The following TAF1 variants were observed in gnomAD, a reference collection of about 807,000 sequenced individuals.
TAF1 encodes TATA-box binding protein associated factor 1, also known as transcription initiation factor TFIID subunit 1.
Under a neutral mutation model 138.5 loss-of-function variants are expected in TAF1, and 2 were observed. The observed-to-expected ratio is 0.01, with a 90% confidence interval of 0.01 to 0.05. TAF1 has a LOEUF of 0.05. TAF1 is among the 10% of genes least tolerant of loss of function. The pLI is 1.00. For synonymous variants in TAF1, 437 were observed against 503.2 expected (o/e 0.87, Z 1.76); for missense variants, 709 against 1,478.0 (o/e 0.48, Z 8.53).
At chrX:71,499,126 A>G (rs973824472) in intron 13 of TAF1, among the ~76,000 whole-genome samples, 1 of 111,011 alleles carries the variant, frequency 9.0e-6, no homozygotes, top group Non-Finnish European at 1.9e-5. Flanking sequence ...CATAGTGGAC[A>G]TGGGCGAGGG....
chrX:71,478,204 A>G (rs899092559), intron 13 of TAF1, among the ~76,000 whole-genome samples: 4 of 110,321 alleles, frequency 3.6e-5, no homozygotes, highest in South Asian at 3.9e-4. Context: ...ATACAAAAAA[A>G]TTAGCTGGGC....
chrX:71,379,105 A>ATTTT lies in TAF1; in HGVS notation c.1360+94_1360+97dup, dbSNP rs916740866. ...GTCACCATAAGTGGGCTCAGCTGTG[A>ATTTT]TTTTTTTTTTTTTTTTTTTTTTTCG... On this transcript the variant is annotated intron_variant, in intron 8 of 37. Transcript: ENST00000423759. 61 of 485,827 alleles carry ATTTT rather than the reference A, an allele frequency of 1.3e-4. 2 individuals carry two copies. The highest frequency in any genetic ancestry group is 3.7e-4 in the Admixed American group (6 of 16,205). 40.0% of individuals were successfully genotyped at this position (485,827 alleles called of 1,213,427 possible). A position where few individuals can be genotyped will look rare whatever the true frequency, so the allele number is the denominator to read the frequency against.
intron 13 of TAF1, among the ~76,000 whole-genome samples, chrX:71,523,512 T>A (rs2147638539): frequency 8.9e-6 from 1 of 112,314 alleles, no homozygotes. Flanking sequence ...TTTAACAATT[T>A]CAAATTGTAT....
intron 32 of TAF1, among the ~76,000 whole-genome samples, chrX:71,426,534 G>C (rs1224676727): frequency 9.0e-6 from 1 of 111,056 alleles, no homozygotes; most frequent in African/African-American, 3.3e-5. Context: ...TGACCAACAT[G>C]GAGAAACCCC....
intron 32 of TAF1, among the ~76,000 whole-genome samples, chrX:71,432,556 CATCAA>C (rs1001819687): frequency 2.8e-5 from 3 of 105,957 alleles, no homozygotes; most frequent in Admixed American, 2.0e-4. Context: ...TGTCAGTGCT[CATCAA>C]ATCAAGTTAG....
At chrX:71,406,560 T>C in intron 25 of TAF1, 78 bp from the exon 26 acceptor site, 1 of 1,035,659 alleles carries the variant, frequency 9.7e-7, no homozygotes, top group Non-Finnish European at 1.3e-6. Flanking sequence ...CTTGGACTTT[T>C]TTTTAATTAT....
chrX:71,519,675 TAAAA>T (rs1322192090), intron 13 of TAF1, among the ~76,000 whole-genome samples: 46 of 111,676 alleles, frequency 4.1e-4, no homozygotes, highest in Admixed American at 4.0e-3. Context: ...TAAAAACAAA[TAAAA>T]AGGATGTTTA....
chrX:71,374,498 G>T (rs778483425), intron 3 of TAF1, among the ~76,000 whole-genome samples: 1 of 111,825 alleles, frequency 8.9e-6, no homozygotes, highest in South Asian at 3.7e-4. Flanking sequence ...GCATGGTCTT[G>T]CTCTGTCACA....
intron 37 of TAF1, among the ~76,000 whole-genome samples, chrX:71,461,373 CG>C (rs1447304062): frequency 9.0e-6 from 1 of 110,795 alleles, no homozygotes; most frequent in Non-Finnish European, 1.9e-5. Context: ...CCTTAACCTG[CG>C]GGTAATAGGA....
intron 25 of TAF1, among the ~76,000 whole-genome samples, chrX:71,405,232 T>A (rs2035403182): frequency 8.9e-6 from 1 of 111,828 alleles, no homozygotes; most frequent in Non-Finnish European, 1.9e-5. Context: ...GTGCTGGGAT[T>A]ACAGGCGTGA....
chrX:71,379,215 A>C (rs1172095747), intron 8 of TAF1, among the ~76,000 whole-genome samples, 184 bp downstream of exon 8: 1 of 104,635 alleles, frequency 9.6e-6, no homozygotes, highest in South Asian at 4.3e-4. Flanking sequence ...TCCCCAGTTC[A>C]AGCGGTTCTT....
At chrX:71,381,612 A>G in intron 8 of TAF1, 131 bp from the exon 9 acceptor site, 1 of 697,662 alleles carries the variant, frequency 1.4e-6, no homozygotes, top group Non-Finnish European at 2.1e-6. Context: ...GTTCCTTTTC[A>G]GTGGACACAT....
intron 13 of TAF1, among the ~76,000 whole-genome samples, chrX:71,518,680 T>G (rs1384528361): frequency 4.7e-5 from 5 of 106,942 alleles, no homozygotes; most frequent in African/African-American, 1.7e-4. Context: ...ACAAAATTCT[T>G]TTCTTTTCTT....
intron 13 of TAF1, among the ~76,000 whole-genome samples, chrX:71,488,269 A>T (rs1470394564): frequency 4.8e-5 from 3 of 62,675 alleles, no homozygotes. Context: ...TTTGAGACGG[A>T]GTCTCAGTCT....
chrX:71,382,853 A>G lies in TAF1; in HGVS notation c.1758A>G (p.Gly586=). 1 of 1,207,671 alleles carries G rather than the reference A, an allele frequency of 8.3e-7. No individual in the cohort carries two copies. The highest frequency in any genetic ancestry group is 1.1e-6 in the Non-Finnish European group (1 of 893,431). ...PKQQGLRGTF[G]GNIIQHSIPA... ...AACAGGGTCTTCGAGGCACCTTTGG[A>G]GGGAATATTATCCAGGTACAAATAG... Residue 586 remains glycine (G), a synonymous_variant, in exon 11 of 38, where the codon GGA becomes GGG. Coordinates refer to ENST00000423759, the MANE Select transcript of TAF1 (RefSeq NM_004606.5).
intron 32 of TAF1, among the ~76,000 whole-genome samples, 176 bp downstream of exon 32, chrX:71,424,414 CTTTTTTTTTTTTTT>C (rs140301261): frequency 6.7e-5 from 2 of 29,933 alleles, no homozygotes; most frequent in East Asian, 1.2e-3. Context: ...GTGCCAGGCT[CTTTTTTTTTTTTTT>C]TTTTTTTTTT....
chrX:71,479,062 A>C (rs1214230575), intron 13 of TAF1, among the ~76,000 whole-genome samples: 1 of 112,975 alleles, frequency 8.9e-6, no homozygotes, highest in African/African-American at 3.2e-5. Context: ...AAAAGTTGAA[A>C]ATAGCTCAAA....
downstream of TAF1, among the ~76,000 whole-genome samples, chrX:71,468,939 G>A (rs1056111799): frequency 9.0e-6 from 1 of 111,486 alleles, no homozygotes; most frequent in African/African-American, 3.3e-5. Context: ...GGTGAGCCAT[G>A]AGTGTGCCAC....
chrX:71,485,082 A>T (rs1383607860), intron 13 of TAF1: 1 of 112,043 alleles, frequency 8.9e-6, no homozygotes, highest in Non-Finnish European at 1.9e-5. Flanking sequence ...GTCCTGGCCA[A>T]CACTTTGACT....
Sources: gnomAD v4.1 joint callset for allele counts (sites outside exome capture counted in the v4.1 genomes callset) on GRCh38, gnomAD v4.1.1 for gene constraint, MANE v1.5 for transcripts, NCBI Gene and HGNC (gene_info 2026-07-23, HGNC 2026-07-21) for gene names.